TRIM24: variants seen among roughly 807,000 people sequenced by gnomAD.
The protein encoded by TRIM24 is transcription intermediary factor 1-alpha.
In TRIM24, 29 loss-of-function variants were observed where a neutral mutation model predicts 123.9. That is an observed-to-expected ratio of 0.23 (90% CI 0.17 to 0.32). The LOEUF is 0.32. Ranked by LOEUF, TRIM24 falls within the 10% of genes least tolerant of loss-of-function variation. The pLI is 1.00. For missense variants in TRIM24, 932 were observed against 1,295.3 expected, an observed-to-expected ratio of 0.72 and a Z score of 4.31; for synonymous variants, 456 against 461.1, an observed-to-expected ratio of 0.99 and a Z score of 0.14.
intron 7 of TRIM24, among the ~76,000 whole-genome samples, chr7:138,542,860 A>G (rs773341066): frequency 1.3e-5 from 2 of 152,176 alleles, no homozygotes; most frequent in African/African-American, 4.8e-5. Context: ...AATTCTTAGG[A>G]TTTGTTTTCC....
chr7:138,471,766 C>T (rs2116457647), intron 1 of TRIM24, among the ~76,000 whole-genome samples: 1 of 152,208 alleles, frequency 6.6e-6, no homozygotes, highest in East Asian at 1.9e-4. Flanking sequence ...GTTTCAAACT[C>T]CTCACCTCAG....
Position 138,515,172 on chromosome 7 carries a change from C to A in TRIM24, c.484-40C>A, listed in dbSNP as rs573488388. 7 of 1,587,328 alleles carry A rather than the reference C, an allele frequency of 4.4e-6. No individual in the cohort carries two copies. The Admixed American group carries it at 6.9e-5, about 16-fold the overall frequency. ...ATAGCTCGAGATAGGACCACCTTTT[C>A]ATTTTCTCAAAAATTTACGTGCCAT... On this transcript the variant is annotated intron_variant, in intron 2 of 18. Coordinates refer to ENST00000343526, the MANE Select transcript of TRIM24 (RefSeq NM_015905.3).
intron 7 of TRIM24, among the ~76,000 whole-genome samples, chr7:138,548,335 A>T (rs979872092): frequency 6.6e-6 from 1 of 152,168 alleles, no homozygotes. Context: ...CAAAGGATTT[A>T]AAAATGGTAC....
At chr7:138,509,389 A>T (rs979782849) in intron 2 of TRIM24, among the ~76,000 whole-genome samples, 1 of 149,658 alleles carries the variant, frequency 6.7e-6, no homozygotes, top group African/African-American at 2.4e-5. Flanking sequence ...TGCAATTAGG[A>T]ATCATTTTAA....
chr7:138,559,826 A>G (rs1160337553), intron 9 of TRIM24, among the ~76,000 whole-genome samples: 1 of 152,128 alleles, frequency 6.6e-6, no homozygotes, highest in Non-Finnish European at 1.5e-5. Flanking sequence ...CCCATCCTAT[A>G]TGGGTCCTAA....
At chr7:138,501,395 C>T (rs2043177480) in intron 1 of TRIM24, among the ~76,000 whole-genome samples, 1 of 151,808 alleles carries the variant, frequency 6.6e-6, no homozygotes, top group Admixed American at 6.6e-5. Flanking sequence ...TGCACCCGGC[C>T]AATTTGTGTA....
intron 18 of TRIM24, 25 bp from the exon 19 acceptor site, chr7:138,584,717 A>T (rs747903053): frequency 6.4e-7 from 1 of 1,550,756 alleles, no homozygotes; most frequent in Non-Finnish European, 8.7e-7. Flanking sequence ...TCCTTTTTTT[A>T]CTCATTTTTA....
At chr7:138,532,271 T>G (rs1796764265) in intron 6 of TRIM24, among the ~76,000 whole-genome samples, 2 of 152,198 alleles carry the variant, frequency 1.3e-5, no homozygotes, top group South Asian at 2.1e-4. Flanking sequence ...TTTGGTGTTT[T>G]AGACATGAAG....
chr7:138,584,632 T>A, intron 18 of TRIM24, 110 bp from the exon 19 acceptor site: 1 of 838,518 alleles, frequency 1.2e-6, no homozygotes, highest in Non-Finnish European at 1.8e-6. Context: ...TCCTAAACTA[T>A]TATTTCAATG....
intron 4 of TRIM24, 79 bp downstream of exon 4, chr7:138,519,400 A>G: frequency 6.8e-7 from 1 of 1,478,482 alleles, no homozygotes; most frequent in South Asian, 1.4e-5. Flanking sequence ...CCCTCATCAA[A>G]TGGCAGTCTG....
chr7:138,581,616 C>A, intron 16 of TRIM24, 81 bp from the exon 17 acceptor site: 1 of 1,232,498 alleles, frequency 8.1e-7, no homozygotes, highest in Non-Finnish European at 1.1e-6. Context: ...ACTTTGGGAC[C>A]TCTGAGATTG....
At position 138,587,024 on chromosome 7, in the gene TRIM24, A is replaced by G. The variant is rs760197284; in HGVS notation, c.*2073A>G. 2 of 152,188 alleles carry G rather than the reference A, an allele frequency of 1.3e-5. No individual in the cohort carries two copies. Among genetic ancestry groups the G allele is most frequent in the Non-Finnish European group, 2.9e-5 (2 of 68,038 alleles). The allele number at this position is 152,188 out of a possible 1,614,324, so 9.4% of individuals were successfully genotyped here. A position where few individuals can be genotyped will look rare whatever the true frequency, so the allele number is the denominator to read the frequency against. Reference sequence around the variant, plus strand: ...GCTGAATGAAAGGCAGTTGAGAACCATCTTTTGGTCATACATAATATAATT... The same window carrying G: ...GCTGAATGAAAGGCAGTTGAGAACCGTCTTTTGGTCATACATAATATAATT... On this transcript the variant is annotated 3_prime_UTR_variant, in exon 19 of 19. Coordinates refer to ENST00000343526, the MANE Select transcript of TRIM24 (RefSeq NM_015905.3).
chr7:138,566,380 G>C (rs898581398), intron 9 of TRIM24, among the ~76,000 whole-genome samples: 1 of 152,126 alleles, frequency 6.6e-6, no homozygotes, highest in African/African-American at 2.4e-5. Flanking sequence ...GCCAGGTGTG[G>C]TGGGGCATTC....
At chr7:138,479,372 TTTC>T (rs566570769) in intron 1 of TRIM24, among the ~76,000 whole-genome samples, 35 of 152,008 alleles carry the variant, frequency 2.3e-4, no homozygotes, top group African/African-American at 6.3e-4. Flanking sequence ...ACCTTTTTTT[TTTC>T]TTCTTCTTCT....
chr7:138,488,400 T>G (rs1039205415), intron 1 of TRIM24, among the ~76,000 whole-genome samples: 1 of 152,226 alleles, frequency 6.6e-6, no homozygotes, highest in African/African-American at 2.4e-5. Flanking sequence ...CTTTTGAATT[T>G]GTTTGCTCTT....
chr7:138,516,436 G>A (rs1459283220), intron 3 of TRIM24, among the ~76,000 whole-genome samples: 3 of 152,208 alleles, frequency 2.0e-5, no homozygotes, highest in Non-Finnish European at 2.9e-5. Flanking sequence ...CACGATCTCA[G>A]CTCACTGCAA....
At chr7:138,527,296 A>G (rs1409966036) in intron 5 of TRIM24, among the ~76,000 whole-genome samples, 2 of 152,176 alleles carry the variant, frequency 1.3e-5, no homozygotes, top group Non-Finnish European at 2.9e-5. Flanking sequence ...TTTCTTCTAC[A>G]AAATAATAAC....
chr7:138,574,132 T>C (rs141327255), intron 12 of TRIM24, among the ~76,000 whole-genome samples: 179 of 152,318 alleles, frequency 1.2e-3, no homozygotes, highest in Non-Finnish European at 1.6e-3. Flanking sequence ...CAGGGGGAAA[T>C]TGGTGTTATA....
At chr7:138,478,186 T>C (rs1464110266) in intron 1 of TRIM24, among the ~76,000 whole-genome samples, 1 of 151,998 alleles carries the variant, frequency 6.6e-6, no homozygotes, top group Non-Finnish European at 1.5e-5. Flanking sequence ...GAGGGAAAGA[T>C]TTTTTGATGG....
Sources: gnomAD v4.1 joint callset for allele counts (sites outside exome capture counted in the v4.1 genomes callset) on GRCh38, gnomAD v4.1.1 for gene constraint, MANE v1.5 for transcripts, NCBI Gene and HGNC (gene_info 2026-07-23, HGNC 2026-07-21) for gene names.